ZEB2: variants seen among roughly 807,000 people sequenced by gnomAD.
ZEB2 encodes zinc finger E-box-binding homeobox 2.
ZEB2 carries 6 observed loss-of-function variants against 99.9 expected under a neutral mutation model. That is an observed-to-expected ratio of 0.06 (90% CI 0.03 to 0.12). The LOEUF (loss-of-function observed/expected upper bound fraction) is 0.12, where lower values mean the gene tolerates loss of function less well. Ranked by LOEUF, ZEB2 falls within the 10% of genes least tolerant of loss-of-function variation. The probability of loss-of-function intolerance (pLI) is 1.00; values close to 1 mark genes in which losing one functional copy is unlikely to be tolerated. For missense variants in ZEB2, 969 were observed against 1,502.8 expected (o/e 0.64, Z 5.87); for synonymous variants, 517 against 542.5 (o/e 0.95, Z 0.65).
chr2:144,398,601 C>A lies in ZEB2; in HGVS notation c.2586G>T (p.Leu862Phe). 6.2e-7 allele frequency: 1 copy of A among 1,614,120 alleles called. No homozygotes were observed. The highest frequency in any genetic ancestry group is 1.1e-5 in the South Asian group (1 of 91,056). Residue 862 changes from leucine (L) to phenylalanine (F), a missense_variant, in exon 8 of 10, where the codon TTG (leucine) becomes TTT (phenylalanine). Leu to Phe is a conservative substitution (Grantham distance 22, BLOSUM62 0). Coordinates refer to ENST00000627532, the MANE Select transcript of ZEB2 (RefSeq NM_014795.4). ...SSENSDEPLN[L>F]TFIKKEFSNS... The stretch of plus-strand genomic sequence containing the variant: ...TTGAAAATTCCTTCTTGATAAAAGT[C>A]AAGTTCAGAGGCTCATCTGAGTTTT...
intron 2 of ZEB2, among the ~76,000 whole-genome samples, chr2:144,498,356 C>T (rs1047950456): frequency 5.3e-5 from 8 of 151,000 alleles, no homozygotes; most frequent in Non-Finnish European, 7.4e-5. Flanking sequence ...GCCTGGAGCA[C>T]GTCATAATAC....
At chr2:144,471,231 C>A (rs552017465) in intron 2 of ZEB2, among the ~76,000 whole-genome samples, 1 of 152,204 alleles carries the variant, frequency 6.6e-6, no homozygotes, top group South Asian at 2.1e-4. Context: ...TCTACAAACC[C>A]CCAGAGTAAC....
Position 144,398,323 on chromosome 2 carries a change from T to A in ZEB2, c.2864A>T (p.Tyr955Phe). 1 of 1,613,942 alleles carries A rather than the reference T, an allele frequency of 6.2e-7. No individual in the cohort carries two copies. Among genetic ancestry groups the A allele is most frequent in the Non-Finnish European group, 8.5e-7 (1 of 1,179,948 alleles). Reference sequence around the variant, plus strand: ...TACCTGAAATCCTTGTTTCCGCTGGTACTTTCTCCTTTGCTGCATATCAGC... The same window carrying A: ...TACCTGAAATCCTTGTTTCCGCTGGAACTTTCTCCTTTGCTGCATATCAGC... ...TFADMQQRRK[Y>F]QRKQGFQGEL... The change falls in exon 8 of 10, where the codon TAC (tyrosine) becomes TTC (phenylalanine). Residue 955 changes from tyrosine to phenylalanine, a missense_variant. Around this residue, in one of 8 missense-constraint regions of ZEB2, gnomAD observed 346 missense variants for 460.0 expected, o/e 0.75. Coordinates refer to ENST00000627532, the MANE Select transcript of ZEB2 (RefSeq NM_014795.4).
chr2:144,466,084 C>T lies in ZEB2; in HGVS notation c.74-36058G>A, dbSNP rs961506533. On this transcript the variant is annotated intron_variant, in intron 2 of 9. Coordinates refer to ENST00000627532, the MANE Select transcript of ZEB2 (RefSeq NM_014795.4). ...ACCCCTCAAAACCCAGTTCTCTTTT[C>T]GCAACCAAATGCCTTTTGTCATCTT... 5.3e-5 allele frequency among the ~76,000 whole-genome samples: 8 copies of T among 152,292 alleles called. No homozygotes were observed. The East Asian group carries it at 1.3e-3, about 26-fold the overall frequency.
chr2:144,508,027 G>A (rs1232377657), intron 2 of ZEB2, among the ~76,000 whole-genome samples: 1 of 152,188 alleles, frequency 6.6e-6, no homozygotes, highest in African/African-American at 2.4e-5. Flanking sequence ...GTCTGAAAGT[G>A]TTCAAAAAGT....
intron 2 of ZEB2, among the ~76,000 whole-genome samples, chr2:144,485,417 A>T (rs998184450): frequency 1.3e-5 from 2 of 152,196 alleles, no homozygotes; most frequent in African/African-American, 4.8e-5. Context: ...GAAGCAAAAA[A>T]TCTGCAGGGA....
chr2:144,517,914 A>G, intron 1 of ZEB2: 1 of 366,182 alleles, frequency 2.7e-6, no homozygotes. Context: ...GCAAATTGAT[A>G]ATAGTAATTA....
chr2:144,496,493 T>A (rs879343042), intron 2 of ZEB2: 2 of 152,178 alleles, frequency 1.3e-5, no homozygotes, highest in Admixed American at 1.3e-4. Flanking sequence ...CCACTTAGTC[T>A]CACTATTCAC....
chr2:144,399,494 A>G lies in ZEB2; in HGVS notation c.1693T>C (p.Leu565=). The G allele has an allele frequency of 4.3e-6, 7 of 1,614,206 alleles. No homozygotes were observed. The highest frequency in any genetic ancestry group is 5.9e-6 in the Non-Finnish European group (7 of 1,180,032). ...TCAATCATTTTGTCATCAGTGACCA[A>G]ATCTATTAAAGTACGTAGCTTCTCT... is the stretch of plus-strand genomic sequence containing the variant. The part of the protein sequence containing the change: ...KKEKLRTLID[L]VTDDKMIENH... Residue 565 remains leucine (L), a synonymous_variant, in exon 8 of 10, where the codon TTG becomes CTG. Coordinates refer to ENST00000627532, the MANE Select transcript of ZEB2 (RefSeq NM_014795.4). This position sits in a 1 kb window ranked among gnomAD's most constrained non-coding sequence, Gnocchi z 5.6.
chr2:144,426,137 A>T (rs957434150), intron 3 of ZEB2, among the ~76,000 whole-genome samples: 1 of 152,210 alleles, frequency 6.6e-6, no homozygotes, highest in African/African-American at 2.4e-5. Flanking sequence ...GATAATTTGA[A>T]TGATATTTGT....
At position 144,400,002 on chromosome 2, in the gene ZEB2, T is replaced by A; in HGVS notation, c.1185A>T (p.Leu395=). The change falls in exon 8 of 10, where the codon CTA becomes CTT. Residue 395 remains leucine (L), a synonymous_variant. Coordinates refer to ENST00000627532, the MANE Select transcript of ZEB2 (RefSeq NM_014795.4). ...TAAGAACTTTATAGTCATTGAAGTC[T>A]AGTGGTTCTGTTTTAATTTTAAGTA... ...TGLLKIKTEP[L]DFNDYKVLMA... 2.5e-5 allele frequency: 41 copies of A among 1,614,210 alleles called. No individual in the cohort carries two copies. The highest frequency in any genetic ancestry group is 3.4e-5 in the Non-Finnish European group (40 of 1,180,030).
chr2:144,514,101 C>T (rs1382862476), intron 2 of ZEB2: 1 of 359,030 alleles, frequency 2.8e-6, no homozygotes, highest in Non-Finnish European at 5.1e-6. Context: ...CTGGCACTGC[C>T]TCTGCCAGGC....
intron 2 of ZEB2, among the ~76,000 whole-genome samples, chr2:144,443,140 G>A (rs903431270): frequency 8.6e-5 from 13 of 152,012 alleles, no homozygotes; most frequent in Non-Finnish European, 1.5e-4. Context: ...TCAAAAAATA[G>A]ATCATTGAAA....
chr2:144,407,837 G>T (rs1359603677), intron 4 of ZEB2, among the ~76,000 whole-genome samples: 3 of 152,192 alleles, frequency 2.0e-5, no homozygotes, highest in Admixed American at 6.5e-5. Flanking sequence ...AACATAGATG[G>T]ATGTACATTT....
intron 2 of ZEB2, among the ~76,000 whole-genome samples, chr2:144,488,235 A>G (rs1018001406): frequency 6.6e-6 from 1 of 152,244 alleles, no homozygotes; most frequent in Admixed American, 6.5e-5. Context: ...ATATTGATCA[A>G]ACTGAACACT....
chr2:144,429,726 T>C, intron 3 of ZEB2, 43 bp downstream of exon 3: 2 of 1,613,578 alleles, frequency 1.2e-6, no homozygotes, highest in South Asian at 2.2e-5. Flanking sequence ...GTTGAAGATG[T>C]GAAGATGGTA....
At chr2:144,486,887 C>T (rs996899415) in intron 2 of ZEB2, among the ~76,000 whole-genome samples, 2 of 152,128 alleles carry the variant, frequency 1.3e-5, no homozygotes, top group Admixed American at 1.3e-4. Context: ...TTCTTCTGAA[C>T]TGGTATTGGT....
chr2:144,414,840 C>T (rs897655192), intron 4 of ZEB2, among the ~76,000 whole-genome samples: 5 of 152,082 alleles, frequency 3.3e-5, no homozygotes, highest in South Asian at 2.1e-4. Context: ...ACAGGCCCTA[C>T]ATACTGAAAC....
At chr2:144,449,420 C>T (rs1704027288) in intron 2 of ZEB2, among the ~76,000 whole-genome samples, 1 of 152,158 alleles carries the variant, frequency 6.6e-6, no homozygotes, top group Non-Finnish European at 1.5e-5. Flanking sequence ...CAACACAGCT[C>T]CCCCTTCCAC....
Sources: gnomAD v4.1 joint callset for allele counts (sites outside exome capture counted in the v4.1 genomes callset) on GRCh38, gnomAD v4.1.1 for gene constraint, gnomAD v4.1.1 regional missense constraint, Gnocchi (gnomAD v3.1) non-coding constraint, MANE v1.5 for transcripts, NCBI Gene and HGNC (gene_info 2026-07-23, HGNC 2026-07-21) for gene names.